The following PSKH1 variants were observed in gnomAD, a reference collection of about 807,000 sequenced individuals.
PSKH1 encodes the protein protein serine kinase H1.
A neutral mutation model predicts 26.7 loss-of-function variants in PSKH1; 12 were observed. The observed-to-expected ratio is 0.45, with a 90% CI of 0.29 to 0.73. The LOEUF (loss-of-function observed/expected upper bound fraction) is 0.73, where lower values mean the gene tolerates loss of function less well. PSKH1 is among the 30% of genes least tolerant of loss of function. PSKH1 has a pLI of 0.11. For missense variants in PSKH1, 431 were observed against 595.2 expected (o/e 0.72, Z 2.87); for synonymous variants, 213 against 234.3 (o/e 0.91, Z 0.83).
rs1195313827 is a variant in PSKH1, at chr16:67,922,005, A to C, written c.958-5320A>C. ...TTTTTTAATTCTCTACTTGTTTTTA[A>C]AACTGCATTATCTTCCCTCTATTTC... On this transcript the variant is annotated intron_variant, in intron 2 of 2. Transcript: ENST00000291041. Among the ~76,000 whole-genome samples, 3 of 151,506 alleles carry C rather than the reference A, an allele frequency of 2.0e-5. No individual in the cohort carries two copies. In the East Asian group the frequency reaches 5.8e-4, roughly 29 times the overall value.
At chr16:67,915,974 G>T (rs1007170065) in intron 2 of PSKH1, among the ~76,000 whole-genome samples, 5 of 152,198 alleles carry the variant, frequency 3.3e-5, no homozygotes, top group African/African-American at 1.2e-4. Context: ...GAATGAACCC[G>T]CATTGGCAGA....
intron 1 of PSKH1, among the ~76,000 whole-genome samples, chr16:67,902,794 C>T (rs117905262): frequency 1.1e-4 from 17 of 150,756 alleles, no homozygotes; most frequent in Non-Finnish European, 2.4e-4. Flanking sequence ...GTTTGTCTTG[C>T]CTCCGAATGG....
chr16:67,924,699 T>C (rs1386319402), intron 2 of PSKH1, among the ~76,000 whole-genome samples: 4 of 152,248 alleles, frequency 2.6e-5, no homozygotes, highest in Non-Finnish European at 4.4e-5. Flanking sequence ...GTCTTGGGGC[T>C]GTTCCAGCAA....
rs113404164 is a variant in PSKH1, at chr16:67,909,014, A to G, written c.265A>G (p.Lys89Glu). The change falls in exon 2 of 3, where the codon AAG becomes GAG. Residue 89 changes from lysine (K) to glutamate (E), a missense_variant. Lys to Glu is a moderately conservative substitution (Grantham distance 56). Coordinates refer to ENST00000291041, the MANE Select transcript of PSKH1 (RefSeq NM_006742.3). This position sits in a 1 kb window ranked among gnomAD's most constrained non-coding sequence, Gnocchi z 7.8. ...GGCCAGGGTAGCTAAGTACAGGGCC[A>G]AGTTTGACCCACGTGTTACAGCTAA... is the stretch of plus-strand genomic sequence containing the variant. ...RRARVAKYRA[K>E]FDPRVTAKYD... 5 of 1,614,120 alleles carry G rather than the reference A, an allele frequency of 3.1e-6. No homozygotes were observed. The highest frequency in any genetic ancestry group is 4.2e-6 in the Non-Finnish European group (5 of 1,180,002).
chr16:67,904,662 T>C (rs1219819232), intron 1 of PSKH1, among the ~76,000 whole-genome samples: 1 of 151,644 alleles, frequency 6.6e-6, no homozygotes, highest in Admixed American at 6.6e-5. Context: ...TTTTTAATCT[T>C]GTAGGGACAG....
chr16:67,902,849 A>T (rs1307347143), intron 1 of PSKH1, among the ~76,000 whole-genome samples: 1 of 151,932 alleles, frequency 6.6e-6, no homozygotes, highest in African/African-American at 2.4e-5. Context: ...GGGGTGAGGG[A>T]CCTGTGTTCT....
chr16:67,916,877 C>A (rs114583394), intron 2 of PSKH1, among the ~76,000 whole-genome samples: 1 of 152,208 alleles, frequency 6.6e-6, no homozygotes, highest in Admixed American at 6.5e-5. Flanking sequence ...ACCCTCTGAC[C>A]TGGAGAGCAT....
At chr16:67,905,069 A>G (rs546582389) in intron 1 of PSKH1, among the ~76,000 whole-genome samples, 164 of 145,570 alleles carry the variant, frequency 1.1e-3, no homozygotes, top group African/African-American at 4.0e-3. Context: ...CTCATGATCC[A>G]CCCGCCTCGG....
At chr16:67,900,544 T>C (rs984576661) in intron 1 of PSKH1, among the ~76,000 whole-genome samples, 3 of 152,178 alleles carry the variant, frequency 2.0e-5, no homozygotes, top group Non-Finnish European at 4.4e-5. Flanking sequence ...TGCTGGAGTC[T>C]TTCCGGAGTG....
At position 67,927,520 on chromosome 16, in the gene PSKH1, A is replaced by T; in HGVS notation, c.1153A>T (p.Ser385Cys). ...TAAACGTGCCTCCTCGCGCTGCCAG[A>T]GCACCAAATCTGCCCAGTCCACGCG... The part of the protein sequence containing the change: ...LLKRASSRCQ[S>C]TKSAQSTRSS... Residue 385 changes from serine to cysteine, a missense_variant, in exon 3 of 3, where the codon AGC (serine) becomes TGC (cysteine). Transcript: ENST00000291041. The surrounding 1 kb of genome is among the most constrained non-coding windows in gnomAD (Gnocchi z 5.5). 1 of 1,614,150 alleles carries T rather than the reference A, an allele frequency of 6.2e-7. No homozygotes were observed.
intron 2 of PSKH1, among the ~76,000 whole-genome samples, chr16:67,926,319 G>A (rs1294415021): frequency 6.6e-6 from 1 of 152,240 alleles, no homozygotes; most frequent in Admixed American, 6.5e-5. Flanking sequence ...TACTGTCTGA[G>A]CCTGTGCCTA....
At chr16:67,902,893 T>C (rs977502658) in intron 1 of PSKH1, 3 of 152,116 alleles carry the variant, frequency 2.0e-5, no homozygotes, top group African/African-American at 4.8e-5. Flanking sequence ...GGAGCTTCAG[T>C]CCTTCACTGC....
chr16:67,898,442 A>C (rs1428435761), intron 1 of PSKH1, among the ~76,000 whole-genome samples: 1 of 151,830 alleles, frequency 6.6e-6, no homozygotes, highest in Non-Finnish European at 1.5e-5. Context: ...TGTAGAGACA[A>C]GGTCTTGTTA....
chr16:67,922,584 T>C (rs898565777), intron 2 of PSKH1, among the ~76,000 whole-genome samples: 2 of 152,126 alleles, frequency 1.3e-5, no homozygotes, highest in African/African-American at 2.4e-5. Flanking sequence ...ACTCTGCGCT[T>C]CACATGTGGC....
intron 1 of PSKH1, among the ~76,000 whole-genome samples, chr16:67,897,544 G>A (rs2058129807): frequency 6.6e-6 from 1 of 152,192 alleles, no homozygotes; most frequent in African/African-American, 2.4e-5. Context: ...CAGGCTGTAA[G>A]TTCCTTAAGA....
chr16:67,913,009 G>A (rs112426280), intron 2 of PSKH1, among the ~76,000 whole-genome samples: 1 of 151,638 alleles, frequency 6.6e-6, no homozygotes, highest in Non-Finnish European at 1.5e-5. Context: ...GCAACATAGC[G>A]AGACCCCATC....
chr16:67,925,004 C>T (rs1348819705), intron 2 of PSKH1, among the ~76,000 whole-genome samples: 2 of 151,664 alleles, frequency 1.3e-5, no homozygotes, highest in East Asian at 1.9e-4. Flanking sequence ...GGAGTCTTAC[C>T]ATCTTTCCCA....
chr16:67,893,896 C>T (rs2058119096), intron 1 of PSKH1, among the ~76,000 whole-genome samples: 1 of 152,184 alleles, frequency 6.6e-6, no homozygotes, highest in South Asian at 2.1e-4. Context: ...TAGTCCCCCA[C>T]ACTTAGTCCC....
intron 1 of PSKH1, among the ~76,000 whole-genome samples, chr16:67,900,707 C>T (rs1346250080): frequency 6.6e-6 from 1 of 152,148 alleles, no homozygotes; most frequent in African/African-American, 2.4e-5. Flanking sequence ...TGCTCATACC[C>T]ATTGCCACAC....
Sources: allele counts gnomAD v4.1 joint callset (sites outside exome capture counted in the v4.1 genomes callset), GRCh38; gene constraint gnomAD v4.1.1; non-coding constraint Gnocchi (gnomAD v3.1); transcripts MANE v1.5; gene names NCBI Gene and HGNC (gene_info 2026-07-23, HGNC 2026-07-21).